The following TMEM178B variants were observed in gnomAD, a reference collection of about 807,000 sequenced individuals.
The protein encoded by TMEM178B is transmembrane protein 178B.
A neutral mutation model predicts 31.0 loss-of-function variants in TMEM178B; 5 were observed. That is an observed-to-expected ratio of 0.16 (90% CI 0.08 to 0.34). TMEM178B has a LOEUF of 0.34. Ranked by LOEUF, TMEM178B falls within the 10% of genes least tolerant of loss-of-function variation. The probability of loss-of-function intolerance (pLI) is 1.00; values close to 1 mark genes in which losing one functional copy is unlikely to be tolerated. For missense variants in TMEM178B, 275 were observed against 400.3 expected, an observed-to-expected ratio of 0.69 and a Z score of 2.67; for synonymous variants, 164 against 164.0, an observed-to-expected ratio of 1.00 and a Z score of 0.00.
intron 2 of TMEM178B, among the ~76,000 whole-genome samples, chr7:141,371,881 C>T (rs1216991708): frequency 2.0e-5 from 3 of 152,222 alleles, no homozygotes; most frequent in African/African-American, 7.2e-5. Flanking sequence ...CTACTAAAGA[C>T]ATTGCTCTAC....
chr7:141,152,297 T>C (rs938209591), intron 1 of TMEM178B, among the ~76,000 whole-genome samples: 1 of 152,082 alleles, frequency 6.6e-6, no homozygotes, highest in African/African-American at 2.4e-5. Flanking sequence ...CAGCGTGGGT[T>C]GCTCTCTGCA....
chr7:141,229,098 G>T (rs1035849631), intron 2 of TMEM178B, among the ~76,000 whole-genome samples: 1 of 112,804 alleles, frequency 8.9e-6, no homozygotes, highest in South Asian at 2.6e-4. Flanking sequence ...ATGTGTGTGT[G>T]TGGTGTGTGT....
At position 141,187,126 on chromosome 7, in the gene TMEM178B, G is replaced by A. The variant is rs1796622838; in HGVS notation, c.383-25465G>A. ...CCCACAACAGTCCCTGGTGTGTGAT[G>A]TTCCCCTTCCTGTGTCCATGTGTTC... On this transcript the variant is annotated intron_variant, in intron 1 of 3. Coordinates refer to ENST00000565468, the MANE Select transcript of TMEM178B (RefSeq NM_001195278.2). Among the ~76,000 whole-genome samples the A allele has an allele frequency of 5.0e-5, 6 of 120,234 alleles. 2 individuals carry two copies. In the South Asian group the frequency reaches 1.6e-3, roughly 33 times the overall value. The allele number at this position is 120,234 out of a possible 152,430, so 78.9% of individuals were successfully genotyped here. A position where few individuals can be genotyped will look rare whatever the true frequency, so the allele number is the denominator to read the frequency against.
chr7:141,215,839 T>TTTCTTTCTTTC (rs1261133896), intron 2 of TMEM178B, among the ~76,000 whole-genome samples: 18 of 64,760 alleles, frequency 2.8e-4, no homozygotes, highest in Non-Finnish European at 5.8e-4. Context: ...TCTTTCTTTC[T>TTTCTTTCTTTC]TTTCTTTTCT....
intron 2 of TMEM178B, among the ~76,000 whole-genome samples, chr7:141,394,164 A>C (rs1586931603): frequency 6.6e-6 from 1 of 152,162 alleles, no homozygotes; most frequent in Non-Finnish European, 1.5e-5. Context: ...CCTAACAATC[A>C]CAGCCGTGCC....
chr7:141,146,853 T>C (rs966551561), intron 1 of TMEM178B, among the ~76,000 whole-genome samples: 4 of 152,212 alleles, frequency 2.6e-5, no homozygotes, highest in African/African-American at 9.6e-5. Flanking sequence ...TGGAGGTTTG[T>C]ATCTTCAGGC....
rs1305401827 is a variant in TMEM178B, at chr7:141,476,066, G to A, written c.*5280G>A. The A allele has an allele frequency of 6.6e-6, 1 of 152,174 alleles. No individual in the cohort carries two copies. Among genetic ancestry groups the A allele is most frequent in the Non-Finnish European group, 1.5e-5 (1 of 68,024 alleles). The allele number at this position is 152,174 out of a possible 1,614,324, so 9.4% of individuals were successfully genotyped here. ...TTTGCAAACATGAAGTGTCATATGA[G>A]TTATGTATGTTCTAATTATCCCTCA... On this transcript the variant is annotated 3_prime_UTR_variant, in exon 4 of 4. Coordinates refer to ENST00000565468, the MANE Select transcript of TMEM178B (RefSeq NM_001195278.2).
intron 2 of TMEM178B, among the ~76,000 whole-genome samples, chr7:141,217,791 T>G (rs1263607965): frequency 6.6e-6 from 1 of 152,000 alleles, no homozygotes; most frequent in African/African-American, 2.4e-5. Flanking sequence ...AGCTCAGATG[T>G]TCTCATTCTG....
intron 3 of TMEM178B, among the ~76,000 whole-genome samples, chr7:141,447,533 G>A (rs977640056): frequency 1.3e-5 from 2 of 152,042 alleles, no homozygotes; most frequent in Admixed American, 6.5e-5. Flanking sequence ...GGACTGAGGG[G>A]CGTCCATCCG....
intron 1 of TMEM178B, among the ~76,000 whole-genome samples, chr7:141,115,074 G>T (rs150989953): frequency 1.3e-5 from 2 of 151,796 alleles, no homozygotes; most frequent in East Asian, 1.9e-4. Flanking sequence ...ACAGAGTCTC[G>T]CTTTGTCACC....
intron 1 of TMEM178B, among the ~76,000 whole-genome samples, chr7:141,199,066 G>A (rs1365605105): frequency 6.6e-6 from 1 of 152,204 alleles, no homozygotes; most frequent in Non-Finnish European, 1.5e-5. Flanking sequence ...AAAACACGCA[G>A]GCAGGATGGG....
chr7:141,484,654 A>G (rs1802527598), downstream of TMEM178B, among the ~76,000 whole-genome samples: 1 of 152,082 alleles, frequency 6.6e-6, no homozygotes, highest in East Asian at 1.9e-4. The surrounding 1 kb of genome is among the most constrained non-coding windows in gnomAD (Gnocchi z 4.8). Flanking sequence ...CTTGACCTCC[A>G]GGGTTCAAGC....
chr7:141,440,967 G>A (rs1442307396), intron 3 of TMEM178B, among the ~76,000 whole-genome samples: 2 of 152,218 alleles, frequency 1.3e-5, no homozygotes, highest in African/African-American at 4.8e-5. Context: ...GGAGAACAAA[G>A]CCACTAAGAG....
intron 1 of TMEM178B, among the ~76,000 whole-genome samples, chr7:141,162,374 G>C (rs1177354769): frequency 2.6e-5 from 4 of 152,304 alleles, no homozygotes; most frequent in Admixed American, 6.5e-5. Flanking sequence ...GATACACCCT[G>C]GGCTTTGCTG....
intron 2 of TMEM178B, among the ~76,000 whole-genome samples, chr7:141,395,417 A>T (rs1471373552): frequency 6.6e-6 from 1 of 152,190 alleles, no homozygotes; most frequent in East Asian, 1.9e-4. Flanking sequence ...CTCCAGCCCA[A>T]GCGACATAGG....
rs563013236 is a variant in TMEM178B, at chr7:141,353,468, CT to C, written c.497-84137del. ...ATGCCAATCTTTCTCAAATCTTTTG[CT>C]TTACATAGATGTTGTTCCTTTTGAC... On this transcript the variant is annotated intron_variant, in intron 2 of 3. Coordinates refer to ENST00000565468, the MANE Select transcript of TMEM178B (RefSeq NM_001195278.2). 1.2e-3 allele frequency among the ~76,000 whole-genome samples: 177 copies of C among 152,310 alleles called. 1 individual carries two copies. Among genetic ancestry groups the C allele is most frequent in the African/African-American group, 4.2e-3 (173 of 41,568 alleles).
intron 2 of TMEM178B, among the ~76,000 whole-genome samples, chr7:141,343,584 A>C (rs550905809): frequency 1.9e-3 from 227 of 121,620 alleles, no homozygotes; most frequent in Non-Finnish European, 2.8e-3. Context: ...CCCAGGCTGG[A>C]GTGCAATGGT....
At chr7:141,469,946 C>A (rs1202437583) in intron 3 of TMEM178B, among the ~76,000 whole-genome samples, 1 of 152,152 alleles carries the variant, frequency 6.6e-6, no homozygotes, top group Non-Finnish European at 1.5e-5. Context: ...ACTCTGCCTC[C>A]CACTTTGTAA....
intron 2 of TMEM178B, among the ~76,000 whole-genome samples, chr7:141,431,563 C>A (rs117772556): frequency 1.6e-3 from 241 of 152,260 alleles, no homozygotes; most frequent in Non-Finnish European, 2.5e-3. Flanking sequence ...ACATTAGGGT[C>A]ATGGAATACA....
Sources: gnomAD v4.1 joint callset for allele counts (sites outside exome capture counted in the v4.1 genomes callset) on GRCh38, gnomAD v4.1.1 for gene constraint, Gnocchi (gnomAD v3.1) non-coding constraint, MANE v1.5 for transcripts, NCBI Gene and HGNC (gene_info 2026-07-23, HGNC 2026-07-21) for gene names.